The following ESYT1 variants were observed in gnomAD, a reference collection of about 807,000 sequenced individuals.
The protein encoded by ESYT1 is extended synaptotagmin-1.
Under a neutral mutation model 154.2 loss-of-function variants are expected in ESYT1, and 116 were observed. That is an observed-to-expected ratio of 0.75 (90% confidence interval 0.65 to 0.88). ESYT1 has a LOEUF of 0.88. Ranked by LOEUF, ESYT1 falls within the 40% of genes least tolerant of loss-of-function variation. The pLI is 0.00. For missense variants in ESYT1, 1,264 were observed against 1,379.3 expected, an observed-to-expected ratio of 0.92 and a Z score of 1.32; for synonymous variants, 500 against 539.9, an observed-to-expected ratio of 0.93 and a Z score of 1.02.
intron 15 of ESYT1, 31 bp downstream of exon 15, chr12:56,134,459 A>G (rs1870367974): frequency 1.3e-6 from 2 of 1,581,970 alleles, no homozygotes; most frequent in Admixed American, 1.7e-5. Flanking sequence ...TCCCCTCCCG[A>G]ATACCCTATT....
Position 56,143,989 on chromosome 12 carries a change from A to AACAGGCCCATATTCGGGCCTT in ESYT1, c.*128_*148dup, listed in dbSNP as rs1870822374. 2 of 1,569,878 alleles carry AACAGGCCCATATTCGGGCCTT rather than the reference A, an allele frequency of 1.3e-6. No homozygotes were observed. The highest frequency in any genetic ancestry group is 4.5e-5 in the East Asian group (2 of 44,306). The stretch of plus-strand genomic sequence containing the variant: ...CCTGTGCCCTTCAGCCCTTTCACCT[A>AACAGGCCCATATTCGGGCCTT]ACAGGCCCATATTCGGGCCTTTGCC... On this transcript the variant is annotated 3_prime_UTR_variant, in exon 31 of 31. Coordinates refer to ENST00000394048, the MANE Select transcript of ESYT1 (RefSeq NM_015292.3).
intron 1 of ESYT1, 40 bp downstream of exon 1, chr12:56,128,749 C>CT (rs781259618): frequency 6.2e-7 from 1 of 1,606,420 alleles, no homozygotes; most frequent in Non-Finnish European, 8.5e-7. Flanking sequence ...GCATAGCCCC[C>CT]TTCCACCCCT....
Position 56,134,375 on chromosome 12 carries a change from G to C in ESYT1, c.1579G>C (p.Glu527Gln). The change falls in exon 15 of 31, where the codon GAA (glutamate) becomes CAA (glutamine). Residue 527 changes from glutamate (E) to glutamine (Q), a missense_variant. Physicochemically the swap from Glu to Gln is conservative, Grantham distance 29 (BLOSUM62 2). Transcript: ENST00000394048. ...VYSTNCPVWE[E>Q]AFRFFLQDPQ... ...CAGTACCAACTGCCCAGTGTGGGAG[G>C]AAGCGTTCCGGTTCTTCCTACAAGA... 6.2e-7 allele frequency: 1 copy of C among 1,614,140 alleles called. No homozygotes were observed. Among genetic ancestry groups the C allele is most frequent in the Non-Finnish European group, 8.5e-7 (1 of 1,180,020 alleles).
chr12:56,131,145 C>G, intron 4 of ESYT1, 32 bp downstream of exon 4: 2 of 1,613,648 alleles, frequency 1.2e-6, no homozygotes, highest in Non-Finnish European at 1.7e-6. Context: ...ACTGCTTCCC[C>G]TTCAATGTGT....
At position 56,142,570 on chromosome 12, in the gene ESYT1, G is replaced by A; in HGVS notation, c.2734-8G>A. Reference sequence around the variant, plus strand: ...ACTCTGCCCAGCTCACAGCTTTCTTGCCCCTAGATCCTGGTGTCCCAGCAC... The same window carrying A: ...ACTCTGCCCAGCTCACAGCTTTCTTACCCCTAGATCCTGGTGTCCCAGCAC... On this transcript the variant is annotated splice_polypyrimidine_tract_variant and splice_region_variant and intron_variant, in intron 25 of 30. Transcript: ENST00000394048. The surrounding 1 kb of genome is among the most constrained non-coding windows in gnomAD (Gnocchi z 4.1). 2 of 1,614,086 alleles carry A rather than the reference G, an allele frequency of 1.2e-6. No homozygotes were observed. The highest frequency in any genetic ancestry group is 1.1e-5 in the South Asian group (1 of 91,082).
chr12:56,141,511 C>A (rs183279795), intron 24 of ESYT1, among the ~76,000 whole-genome samples: 1 of 152,138 alleles, frequency 6.6e-6, no homozygotes, highest in Non-Finnish European at 1.5e-5. Flanking sequence ...GAGGCCAAGG[C>A]GGGCAGATCA....
chr12:56,131,766 G>A lies in ESYT1; in HGVS notation c.822G>A (p.Trp274Ter). 1 of 1,614,106 alleles carries A rather than the reference G, an allele frequency of 6.2e-7. No individual in the cohort carries two copies. The highest frequency in any genetic ancestry group is 1.3e-5 in the African/African-American group (1 of 74,988). The change falls in exon 7 of 31, where the codon TGG becomes TGA. Residue 274 changes from tryptophan (W) to a stop codon, truncating the protein, a stop_gained. Coordinates refer to ENST00000394048, the MANE Select transcript of ESYT1 (RefSeq NM_015292.3). LOFTEE classifies it high-confidence loss of function. ...CCCTCCAGACCCTAGACATCAACTGGACAGGGATGACCAACCTGCTGGATA... is the reference window on the plus strand; with the variant it reads ...CCCTCCAGACCCTAGACATCAACTGAACAGGGATGACCAACCTGCTGGATA... ...FIRRPTLDIN[W>*]TGMTNLLDIP...
In ESYT1 at chr12:56,144,246, G is replaced by A; in HGVS notation, c.*384G>A. The A allele has an allele frequency of 9.1e-7, 1 of 1,099,304 alleles. No homozygotes were observed. Among genetic ancestry groups the A allele is most frequent in the Non-Finnish European group, 1.1e-6 (1 of 898,468 alleles). 68.1% of individuals were successfully genotyped at this position (1,099,304 alleles called of 1,614,324 possible). On this transcript the variant is annotated 3_prime_UTR_variant, in exon 31 of 31. Coordinates refer to ENST00000394048, the MANE Select transcript of ESYT1 (RefSeq NM_015292.3). ...GGATCTTTTTTTCTTTAACTAGATG[G>A]TCACCTTCTTCCCTACCACACATGG...
intron 18 of ESYT1, 72 bp downstream of exon 18, chr12:56,137,747 C>G: frequency 6.2e-7 from 1 of 1,610,718 alleles, no homozygotes; most frequent in Non-Finnish European, 8.5e-7. Context: ...GTCCAGAAAC[C>G]TCTGAGGTTC....
intron 16 of ESYT1, 94 bp from the exon 17 acceptor site, chr12:56,137,124 C>T: frequency 6.6e-7 from 1 of 1,506,820 alleles, no homozygotes; most frequent in East Asian, 2.3e-5. Context: ...ACCTAGTTCC[C>T]CTGTCACAGC....
chr12:56,138,610 A>T (rs1187758101), intron 22 of ESYT1, 111 bp downstream of exon 22: 5 of 1,282,800 alleles, frequency 3.9e-6, no homozygotes, highest in Non-Finnish European at 5.6e-6. Context: ...TCTCTTTCTG[A>T]GGGTAGTGCA....
chr12:56,129,915 G>A (rs1870161512), intron 1 of ESYT1, among the ~76,000 whole-genome samples: 1 of 144,632 alleles, frequency 6.9e-6, no homozygotes. Flanking sequence ...CTGGAAAAGG[G>A]GACTTTTTTT....
chr12:56,143,451 A>C, intron 29 of ESYT1, 118 bp downstream of exon 29: 1 of 1,496,784 alleles, frequency 6.7e-7, no homozygotes, highest in Non-Finnish European at 9.3e-7. Context: ...TCACCTCTGC[A>C]ATGGTTTGGG....
At chr12:56,134,887 C>T (rs894637171) in intron 15 of ESYT1, among the ~76,000 whole-genome samples, 1 of 152,144 alleles carries the variant, frequency 6.6e-6, no homozygotes, top group African/African-American at 2.4e-5. Context: ...GCATGAGCCA[C>T]TGCACCTGGC....
At chr12:56,131,005 T>C in intron 3 of ESYT1, 35 bp from the exon 4 acceptor site, 2 of 1,614,122 alleles carry the variant, frequency 1.2e-6, no homozygotes, top group African/African-American at 1.3e-5. Context: ...CTTCTCCCTA[T>C]CCCTGCCCTC....
Position 56,138,250 on chromosome 12 carries a change from C to G in ESYT1, c.2315C>G (p.Pro772Arg), listed in dbSNP as rs1449150859. The G allele has an allele frequency of 3.1e-6, 5 of 1,614,244 alleles. No individual in the cohort carries two copies. The Admixed American group carries it at 6.7e-5, about 22-fold the overall frequency. The change falls in exon 21 of 31, where the codon CCC (proline) becomes CGC (arginine). Residue 772 changes from proline to arginine, a missense_variant. Transcript: ENST00000394048. ...CGCCTGGAGCGTCTCACCCCCCGTC[C>G]CACTGCTGCTGAGTTAGAGGAGGTA... Reference protein sequence around the residue: ...HLRLERLTPRPTAAELEEVLQ... With the variant: ...HLRLERLTPRRTAAELEEVLQ...
At chr12:56,137,409 G>T (rs914245015) in intron 17 of ESYT1, 36 bp downstream of exon 17, 2 of 1,613,202 alleles carry the variant, frequency 1.2e-6, no homozygotes, top group Admixed American at 1.7e-5. Context: ...GGGTCTGTTT[G>T]CCCCGCTAAG....
In ESYT1 at chr12:56,137,517, G is replaced by GT; in HGVS notation, c.1958dup (p.Leu654IlefsTer49). ...TTTGCAGCATGTGCTTCGGATCCAT[G>GT]TATTAGAGGCCCAGGACCTGATTGC... On this transcript the variant is annotated frameshift_variant, in exon 18 of 31. Transcript: ENST00000394048. LOFTEE classifies it high-confidence loss of function. 1 of 1,613,808 alleles carries GT rather than the reference G, an allele frequency of 6.2e-7. No individual in the cohort carries two copies. Among genetic ancestry groups the GT allele is most frequent in the Non-Finnish European group, 8.5e-7 (1 of 1,179,796 alleles).
chr12:56,141,501 G>A (rs549415905), intron 24 of ESYT1, among the ~76,000 whole-genome samples: 3 of 152,354 alleles, frequency 2.0e-5, no homozygotes, highest in South Asian at 2.1e-4. Context: ...AGCACTTTGG[G>A]AGGCCAAGGC....
Sources: allele counts gnomAD v4.1 joint callset (sites outside exome capture counted in the v4.1 genomes callset), GRCh38; gene constraint gnomAD v4.1.1; non-coding constraint Gnocchi (gnomAD v3.1); transcripts MANE v1.5; gene names NCBI Gene and HGNC (gene_info 2026-07-23, HGNC 2026-07-21).